AHRR: variants seen among roughly 807,000 people sequenced by gnomAD.
AHRR encodes ahR repressor.
Under a neutral mutation model 44.0 loss-of-function variants are expected in AHRR, and 28 were observed. That is an observed-to-expected ratio of 0.64 (90% CI 0.47 to 0.87). AHRR has a LOEUF of 0.87. Ranked by LOEUF, AHRR falls within the 40% of genes least tolerant of loss-of-function variation. The pLI, the probability that AHRR is intolerant of heterozygous loss-of-function variation, is 0.00. For synonymous variants in AHRR, 434 were observed against 407.0 expected, an observed-to-expected ratio of 1.07 and a Z score of -0.80; for missense variants, 990 against 953.9, an observed-to-expected ratio of 1.04 and a Z score of -0.50.
rs1456961290 is a variant in AHRR, at chr5:373,926, G to A, written c.245-2684G>A. On this transcript the variant is annotated intron_variant, in intron 3 of 10. Coordinates refer to ENST00000684583, the MANE Select transcript of AHRR (RefSeq NM_001377236.1). The stretch of plus-strand genomic sequence containing the variant: ...GACGGCGCCGGCGGCTGCGGGGGAA[G>A]TAGGGGGGAAGTGGGCGGGCGCCCG... 2.0e-5 allele frequency among the ~76,000 whole-genome samples: 3 copies of A among 151,150 alleles called. 1 individual carries two copies. Among genetic ancestry groups the A allele is most frequent in the South Asian group, 2.1e-4 (1 of 4,828 alleles).
Position 353,810 on chromosome 5 carries a change from C to G in AHRR, c.143C>G (p.Ala48Gly). The G allele has an allele frequency of 3.1e-6, 5 of 1,614,002 alleles. No homozygotes were observed. The highest frequency in any genetic ancestry group is 4.2e-6 in the Non-Finnish European group (5 of 1,180,014). ...DRLNAELDHLASLLPFPPDII... is the reference protein window; with the variant it reads ...DRLNAELDHLGSLLPFPPDII... The stretch of plus-strand genomic sequence containing the variant: ...CTCAACGCCGAGTTGGACCACCTGG[C>G]CAGCCTGCTGCCGTTCCCGCCTGAC... Residue 48 changes from alanine to glycine, a missense_variant, in exon 3 of 11, where the codon GCC (alanine) becomes GGC (glycine). Transcript: ENST00000684583.
intron 2 of AHRR, 116 bp downstream of exon 2, chr5:344,080 C>A: frequency 4.4e-6 from 5 of 1,133,438 alleles, no homozygotes; most frequent in Non-Finnish European, 6.2e-6. Context: ...GCTTCGGGAG[C>A]CGGGCGGGCC....
chr5:381,206 G>A (rs1326836553), intron 4 of AHRR, among the ~76,000 whole-genome samples: 1 of 152,202 alleles, frequency 6.6e-6, no homozygotes, highest in African/African-American at 2.4e-5. Context: ...CGAATCACAT[G>A]CCAATCTCCT....
intron 8 of AHRR, among the ~76,000 whole-genome samples, chr5:428,895 C>T (rs1579710956): frequency 6.6e-6 from 1 of 151,880 alleles, no homozygotes; most frequent in South Asian, 2.1e-4. Flanking sequence ...AGAATCATGC[C>T]CCAGCTGAGC....
chr5:425,531 G>T (rs549576851), intron 7 of AHRR, among the ~76,000 whole-genome samples: 4 of 152,198 alleles, frequency 2.6e-5, no homozygotes, highest in African/African-American at 9.6e-5. Context: ...TTGGTATTTT[G>T]TTCTAAATTT....
chr5:377,680 C>T lies in AHRR; in HGVS notation c.351+964C>T, dbSNP rs115355268. ...CCTCCTGTGTGTCTCCAGGTCAGTTCACAACCCCCAGCTCGCTCTACTCTG... is the reference window on the plus strand; with the variant it reads ...CCTCCTGTGTGTCTCCAGGTCAGTTTACAACCCCCAGCTCGCTCTACTCTG... On this transcript the variant is annotated intron_variant, in intron 4 of 10. Coordinates refer to ENST00000684583, the MANE Select transcript of AHRR (RefSeq NM_001377236.1). Among the ~76,000 whole-genome samples, 1,065 of 152,354 alleles carry T rather than the reference C, an allele frequency of 7.0e-3. 9 individuals are homozygous for T. Among genetic ancestry groups the T allele is most frequent in the African/African-American group, 0.025 (1,022 of 41,584 alleles).
intron 3 of AHRR, among the ~76,000 whole-genome samples, chr5:356,091 G>C (rs781115480): frequency 6.6e-6 from 1 of 152,208 alleles, no homozygotes; most frequent in Admixed American, 6.5e-5. Context: ...GGGTGATGAT[G>C]GCCTGAGCAT....
chr5:353,962 C>A, intron 3 of AHRR, 51 bp downstream of exon 3: 2 of 1,559,394 alleles, frequency 1.3e-6, no homozygotes, highest in Non-Finnish European at 8.7e-7. Context: ...GCTGTGTCTC[C>A]CCTGAGTCCA....
intron 1 of AHRR, among the ~76,000 whole-genome samples, chr5:329,893 T>TA (rs1361424920): frequency 6.6e-6 from 1 of 152,232 alleles, no homozygotes. Context: ...TTTTTAGATA[T>TA]AAAATCATAT....
In AHRR at chr5:429,481, G is replaced by GCCCTGC. The variant is rs200036919; in HGVS notation, c.908+1485_908+1490dup. Among the ~76,000 whole-genome samples, 1,147 of 152,270 alleles carry GCCCTGC rather than the reference G, an allele frequency of 7.5e-3. 9 individuals are homozygous for GCCCTGC. The highest frequency in any genetic ancestry group is 0.011 in the Non-Finnish European group (736 of 68,000). ...CAGGGCAGAGGGGTGGTCTGGGCCG[G>GCCCTGC]CCCTGCCCCTGCCCCCTGGCCCTCA... On this transcript the variant is annotated intron_variant, in intron 8 of 10. Transcript: ENST00000684583.
At chr5:362,976 G>A (rs1331880109) in intron 3 of AHRR, among the ~76,000 whole-genome samples, 1 of 152,230 alleles carries the variant, frequency 6.6e-6, no homozygotes, top group East Asian at 1.9e-4. Context: ...GGACTTTTCT[G>A]GTCCCTTCTA....
At chr5:389,427 A>G (rs950945391) in intron 4 of AHRR, among the ~76,000 whole-genome samples, 1 of 152,160 alleles carries the variant, frequency 6.6e-6, no homozygotes, top group Non-Finnish European at 1.5e-5. Flanking sequence ...CGACACCAAC[A>G]TCAAGCCACA....
rs1560883307 is a variant in AHRR at position 343,487 on chromosome 5, A to ACCCCACG, written c.-10-406_-10-405insCCCCACG. On this transcript the variant is annotated intron_variant, in intron 1 of 10. Coordinates refer to ENST00000684583, the MANE Select transcript of AHRR (RefSeq NM_001377236.1). Reference sequence around the variant, plus strand: ...TTCTCGGGGGTGACGGGAACACGGGATCCCGCGTGACGAGTGTTTGGAGGC... The same window carrying ACCCCACG: ...TTCTCGGGGGTGACGGGAACACGGGACCCCACGTCCCGCGTGACGAGTGTTTGGAGGC... 8.4e-5 allele frequency: 19 copies of ACCCCACG among 227,100 alleles called. 1 individual carries two copies. The highest frequency in any genetic ancestry group is 1.3e-4 in the Non-Finnish European group (15 of 116,922). The allele number at this position is 227,100 out of a possible 1,614,324, so 14.1% of individuals were successfully genotyped here.
rs1002407913 is a variant in AHRR at position 395,428 on chromosome 5, G to C, written c.352-17916G>C. On this transcript the variant is annotated intron_variant, in intron 4 of 10. Transcript: ENST00000684583. The surrounding 1 kb of genome is among the most constrained non-coding windows in gnomAD (Gnocchi z 5.3). ...CAGCTGACTCACCAGCCCAGAGCAG[G>C]GGAATCTCACCAGTTCCCTGAAACA... Among the ~76,000 whole-genome samples, 6 of 152,214 alleles carry C rather than the reference G, an allele frequency of 3.9e-5. No homozygotes were observed. Among genetic ancestry groups the C allele is most frequent in the Admixed American group, 2.6e-4 (4 of 15,284 alleles).
intron 10 of AHRR, 142 bp downstream of exon 10, chr5:433,089 C>T (rs975738932): frequency 3.7e-5 from 40 of 1,085,938 alleles, no homozygotes; most frequent in Non-Finnish European, 4.9e-5. Context: ...CACAGCTAAC[C>T]TTACTCTCTG....
At chr5:414,250 G>A (rs1465457304) in intron 5 of AHRR, among the ~76,000 whole-genome samples, 2 of 151,926 alleles carry the variant, frequency 1.3e-5, no homozygotes, top group Non-Finnish European at 2.9e-5. Context: ...GTGACAGAGC[G>A]AGACTCCATC....
At chr5:347,147 A>G (rs139961137) in intron 2 of AHRR, among the ~76,000 whole-genome samples, 74 of 152,360 alleles carry the variant, frequency 4.9e-4, no homozygotes, top group African/African-American at 1.6e-3. Flanking sequence ...TTCTTGTATC[A>G]TAAGTGAGGT....
intron 5 of AHRR, among the ~76,000 whole-genome samples, chr5:414,221 T>TACAC (rs1735608884): frequency 6.6e-6 from 1 of 151,510 alleles, no homozygotes; most frequent in African/African-American, 2.4e-5. Flanking sequence ...TGAGATCGAG[T>TACAC]CACTGCACTC....
intron 4 of AHRR, among the ~76,000 whole-genome samples, chr5:400,348 G>A (rs190517928): frequency 1.3e-5 from 2 of 152,300 alleles, no homozygotes; most frequent in East Asian, 3.9e-4. Flanking sequence ...CGGTCCCTGG[G>A]GGAGAGCGTG....
Sources: gnomAD v4.1 joint callset for allele counts (sites outside exome capture counted in the v4.1 genomes callset) on GRCh38, gnomAD v4.1.1 for gene constraint, Gnocchi (gnomAD v3.1) non-coding constraint, MANE v1.5 for transcripts, NCBI Gene and HGNC (gene_info 2026-07-23, HGNC 2026-07-21) for gene names.